The following ZNF83 variants were observed in gnomAD, a reference collection of about 807,000 sequenced individuals.
ZNF83 encodes the protein zinc finger protein 83.
For synonymous variants in ZNF83, 209 were observed against 213.0 expected, an observed-to-expected ratio of 0.98 and a Z score of 0.17; for missense variants, 552 against 629.9, an observed-to-expected ratio of 0.88 and a Z score of 1.32.
At chr19:52,628,718 C>T (rs34764770) in intron 2 of ZNF83, among the ~76,000 whole-genome samples, 12,333 of 151,948 alleles carry the variant, frequency 0.081, 520 homozygotes, top group Middle Eastern at 0.1. Flanking sequence ...CCCTTCTTCG[C>T]CTTTCTGGGG....
rs755729915 is a variant in ZNF83 at position 52,687,181 on chromosome 19, C to CA, written c.-283+3261dup. On this transcript the variant is annotated intron_variant, in intron 1 of 5. Transcript: ENST00000594682. ...GAGCAACAAGAGTAAAACTCCATCTCAAAAAAAAAAAAAAAAGTACTATGT... is the reference window on the plus strand; with the variant it reads ...GAGCAACAAGAGTAAAACTCCATCTCAAAAAAAAAAAAAAAAAGTACTATGT... 3.0e-3 allele frequency among the ~76,000 whole-genome samples: 308 copies of CA among 104,298 alleles called. 1 individual carries two copies. The highest frequency in any genetic ancestry group is 5.9e-3 in the Middle Eastern group (1 of 170). 68.4% of individuals were successfully genotyped at this position (104,298 alleles called of 152,430 possible). A position where few individuals can be genotyped will look rare whatever the true frequency, so the allele number is the denominator to read the frequency against.
At chr19:52,672,721 T>A (rs1401723464) in intron 1 of ZNF83, among the ~76,000 whole-genome samples, 1 of 152,208 alleles carries the variant, frequency 6.6e-6, no homozygotes, top group African/African-American at 2.4e-5. Flanking sequence ...TGCCTCAGCC[T>A]CCCAGGTAGC....
At chr19:52,656,483 G>A (rs1327551803) in intron 2 of ZNF83, among the ~76,000 whole-genome samples, 1 of 152,046 alleles carries the variant, frequency 6.6e-6, no homozygotes, top group African/African-American at 2.4e-5. Flanking sequence ...TGAGATGACA[G>A]CACTGCACTC....
intron 1 of ZNF83, among the ~76,000 whole-genome samples, chr19:52,683,819 G>A (rs981393872): frequency 2.0e-5 from 3 of 152,114 alleles, no homozygotes; most frequent in African/African-American, 7.2e-5. Flanking sequence ...TCAGTCTTCC[G>A]AGGACACCTC....
At chr19:52,621,037 C>A (rs887763346) in intron 2 of ZNF83, among the ~76,000 whole-genome samples, 1 of 152,200 alleles carries the variant, frequency 6.6e-6, no homozygotes, top group Admixed American at 6.5e-5. Flanking sequence ...AGCCTGCCTG[C>A]ACCCAGGTAA....
At position 52,644,783 on chromosome 19, in the gene ZNF83, G is replaced by A. The variant is rs116967037; in HGVS notation, c.-73-9630C>T. Among the ~76,000 whole-genome samples the A allele has an allele frequency of 3.0e-3, 463 of 152,014 alleles. 2 individuals are homozygous for A. Among genetic ancestry groups the A allele is most frequent in the Non-Finnish European group, 5.1e-3 (347 of 67,898 alleles). The stretch of plus-strand genomic sequence containing the variant: ...ATATTGCAGCTTTTTGGGAGGTCGA[G>A]GCAGGTGGAGGTCTCAGGAGTTTGA... On this transcript the variant is annotated intron_variant, in intron 3 of 5. Transcript: ENST00000594682.
exon 3 of ZNF83, chr19:52,612,783 T>G: frequency 2.0e-6 from 1 of 501,708 alleles, no homozygotes. Flanking sequence ...TTGTTAGGTT[T>G]CTCACCAGCA....
chr19:52,682,689 GAAAAAGAAAAAGA>G lies in ZNF83; in HGVS notation c.-283+7741_-283+7753del, dbSNP rs2061941740. Among the ~76,000 whole-genome samples, 3 of 15,098 alleles carry G rather than the reference GAAAAAGAAAAAGA, an allele frequency of 2.0e-4. No individual in the cohort carries two copies. In the African/African-American group the frequency reaches 2.2e-3, roughly 11 times the overall value. The allele number at this position is 15,098 out of a possible 152,430, so 9.9% of individuals were successfully genotyped here. On this transcript the variant is annotated intron_variant, in intron 1 of 5. Coordinates refer to the ZNF83 transcript ENST00000594682. ...TCTCAAAAAACAAGAAAAAGAAAAA[GAAAAAGAAAAAGA>G]AAAAGAAAAAGAAAAGATGTAGCTA...
chr19:52,669,702 G>A (rs972594041), intron 1 of ZNF83, among the ~76,000 whole-genome samples: 1 of 152,104 alleles, frequency 6.6e-6, no homozygotes, highest in African/African-American at 2.4e-5. Context: ...AAAGTGGTTC[G>A]GTAGATGGAA....
intron 2 of ZNF83, among the ~76,000 whole-genome samples, chr19:52,630,385 C>T (rs531807717): frequency 9.6e-4 from 146 of 152,258 alleles, no homozygotes; most frequent in African/African-American, 3.3e-3. Context: ...TTTTCAAGGG[C>T]CTGTTTCTCT....
At chr19:52,670,268 A>G (rs1174045188) in intron 1 of ZNF83, among the ~76,000 whole-genome samples, 1 of 151,768 alleles carries the variant, frequency 6.6e-6, no homozygotes, top group Non-Finnish European at 1.5e-5. Context: ...ATTCCATAAC[A>G]TTTTTCCTGC....
intron 1 of ZNF83, among the ~76,000 whole-genome samples, chr19:52,684,767 C>G (rs2061986133): frequency 6.6e-6 from 1 of 151,724 alleles, no homozygotes; most frequent in Admixed American, 6.6e-5. Context: ...GGACAATGAC[C>G]TGAGACAGAA....
rs547148081 is a variant in ZNF83, at chr19:52,629,146, G to A, written c.-234+5920C>T. On this transcript the variant is annotated intron_variant, in intron 2 of 2. Transcript: ENST00000301096. Reference sequence around the variant, plus strand: ...GCATCTTATTTTCTTCTGCAATGCCGCTGGACCCCAATACAAACTCGACAG... The same window carrying A: ...GCATCTTATTTTCTTCTGCAATGCCACTGGACCCCAATACAAACTCGACAG... 1.7e-3 allele frequency among the ~76,000 whole-genome samples: 260 copies of A among 152,052 alleles called. 1 individual carries two copies. Among genetic ancestry groups the A allele is most frequent in the Non-Finnish European group, 2.3e-3 (156 of 68,000 alleles).
chr19:52,675,188 A>G (rs548921736), intron 1 of ZNF83, among the ~76,000 whole-genome samples: 83 of 152,292 alleles, frequency 5.5e-4, no homozygotes, highest in Middle Eastern at 3.4e-3. Flanking sequence ...AACTTGTTTT[A>G]AAAACCTGGG....
At chr19:52,663,833 AATGTG>A (rs2061610478) in intron 1 of ZNF83, among the ~76,000 whole-genome samples, 1 of 152,232 alleles carries the variant, frequency 6.6e-6, no homozygotes, top group Non-Finnish European at 1.5e-5. Flanking sequence ...TGAAAATGAT[AATGTG>A]ATGTCGTAAG....
Position 52,630,384 on chromosome 19 carries a change from G to A in ZNF83, c.-234+4682C>T, listed in dbSNP as rs148450218. 4.5e-3 allele frequency among the ~76,000 whole-genome samples: 691 copies of A among 152,246 alleles called. 5 individuals carry two copies. Among genetic ancestry groups the A allele is most frequent in the African/African-American group, 0.016 (658 of 41,526 alleles). On this transcript the variant is annotated intron_variant, in intron 2 of 2. Transcript: ENST00000301096. ...ACTCCACATTACCTTCTTTTCAAGG[G>A]CCTGTTTCTCTTGCCTCCATAACTG... is the stretch of plus-strand genomic sequence containing the variant.
chr19:52,623,223 T>A (rs12979865), intron 2 of ZNF83, among the ~76,000 whole-genome samples: 34,482 of 152,112 alleles, frequency 0.23, 3,952 homozygotes, highest in South Asian at 0.28. Flanking sequence ...CTGAAGACTG[T>A]CACTGCCCAA....
intron 1 of ZNF83, among the ~76,000 whole-genome samples, chr19:52,680,446 CA>C (rs1177329338): frequency 1.3e-5 from 2 of 151,960 alleles, no homozygotes; most frequent in African/African-American, 4.8e-5. Flanking sequence ...CACATTTCCA[CA>C]AAACATCATG....
chr19:52,645,240 C>T (rs764525593), intron 3 of ZNF83, among the ~76,000 whole-genome samples: 5 of 152,024 alleles, frequency 3.3e-5, no homozygotes, highest in Admixed American at 6.5e-5. Context: ...ACATCTTTAC[C>T]GGGTACACAC....
Sources: allele counts gnomAD v4.1 joint callset (sites outside exome capture counted in the v4.1 genomes callset), GRCh38; gene constraint gnomAD v4.1.1; transcripts MANE v1.5; gene names NCBI Gene and HGNC (gene_info 2026-07-23, HGNC 2026-07-21).